Variants in SHCBP1L observed in about 807,000 individuals in gnomAD.
SHCBP1L encodes SHC binding and spindle associated 1 like, also known as testicular spindle-associated protein SHCBP1L.
SHCBP1L carries 67 observed loss-of-function variants against 62.5 expected under a neutral mutation model. That is an observed-to-expected ratio of 1.07 (90% CI 0.88 to 1.31). SHCBP1L has a LOEUF of 1.31. Ranked by LOEUF, SHCBP1L falls within the 40% of genes most tolerant of loss-of-function variation. The pLI is 0.00. For synonymous variants in SHCBP1L, 284 were observed against 289.4 expected, an observed-to-expected ratio of 0.98 and a Z score of 0.19; for missense variants, 823 against 809.8, an observed-to-expected ratio of 1.02 and a Z score of -0.20.
chr1:182,927,367 A>C (rs761858571), intron 6 of SHCBP1L, among the ~76,000 whole-genome samples: 2 of 151,880 alleles, frequency 1.3e-5, no homozygotes, highest in Non-Finnish European at 2.9e-5. Flanking sequence ...AGATGAGGAA[A>C]TTGTTAAAGC....
At chr1:182,923,738 C>T (rs1290537336) in intron 6 of SHCBP1L, among the ~76,000 whole-genome samples, 1 of 152,142 alleles carries the variant, frequency 6.6e-6, no homozygotes, top group African/African-American at 2.4e-5. Context: ...GAATATACCT[C>T]AAGATAACAA....
At position 182,903,075 on chromosome 1, in the gene SHCBP1L, G is replaced by T. The variant is rs1416980905; in HGVS notation, c.1674C>A (p.Asn558Lys). ...CTCCACCTAAGGTGCTTTTTGAACT[G>T]TTACTGGTTCTGAGGTTATTACAGT... ...IHHCNNLRTS[N>K]SSKSTLGGVN... Residue 558 changes from asparagine to lysine, a missense_variant, in exon 9 of 10, where the codon AAC (asparagine) becomes AAA (lysine). Coordinates refer to ENST00000367547, the MANE Select transcript of SHCBP1L (RefSeq NM_030933.4). 1.3e-6 allele frequency: 2 copies of T among 1,599,240 alleles called. No individual in the cohort carries two copies. The highest frequency in any genetic ancestry group is 1.7e-5 in the Admixed American group (1 of 58,150).
At chr1:182,931,273 T>C (rs1269686169) in intron 5 of SHCBP1L, among the ~76,000 whole-genome samples, 1 of 152,056 alleles carries the variant, frequency 6.6e-6, no homozygotes, top group African/African-American at 2.4e-5. Flanking sequence ...ATATACCAGT[T>C]AATTAGCTGC....
chr1:182,906,014 A>C (rs1264901423), intron 6 of SHCBP1L, among the ~76,000 whole-genome samples: 1 of 152,124 alleles, frequency 6.6e-6, no homozygotes, highest in Non-Finnish European at 1.5e-5. Flanking sequence ...GGCTCACTGC[A>C]ACCCCTGCCT....
In SHCBP1L at chr1:182,933,566, T is replaced by C. The variant is rs975517868; in HGVS notation, c.1077-3814A>G. ...ATCATGAAAGGGTGTTAATTTGTCA[T>C]ATGATTTTTCTGTGTCTATTGAGAT... On this transcript the variant is annotated intron_variant, in intron 5 of 9. Transcript: ENST00000367547. 8.5e-5 allele frequency among the ~76,000 whole-genome samples: 13 copies of C among 152,246 alleles called. No individual in the cohort carries two copies. In the East Asian group the frequency reaches 1.4e-3, roughly 16 times the overall value.
Position 182,940,482 on chromosome 1 carries a change from T to G in SHCBP1L, c.617A>C (p.Glu206Ala). 6.2e-7 allele frequency: 1 copy of G among 1,613,936 alleles called. No individual in the cohort carries two copies. The highest frequency in any genetic ancestry group is 1.3e-5 in the African/African-American group (1 of 75,018). ...SRFKVTVSVA[E>A]PFSSNIANIP... ...ATTTGCAATGTTGGAAGAAAAGGGC[T>G]CAGCAACAGAAACAGTAACTTTGAA... is the stretch of plus-strand genomic sequence containing the variant. Residue 206 changes from glutamate (E) to alanine (A), a missense_variant, in exon 3 of 10, where the codon GAG becomes GCG. Physicochemically the swap from Glu to Ala is moderately radical, Grantham distance 107. Coordinates refer to ENST00000367547, the MANE Select transcript of SHCBP1L (RefSeq NM_030933.4).
intron 6 of SHCBP1L, among the ~76,000 whole-genome samples, chr1:182,928,224 G>T (rs185036631): frequency 6.6e-6 from 1 of 151,886 alleles, no homozygotes; most frequent in Admixed American, 6.6e-5. Context: ...CCTTCTTTCG[G>T]TTCCTCATAT....
At chr1:182,926,265 G>A (rs1033927702) in intron 6 of SHCBP1L, among the ~76,000 whole-genome samples, 1 of 152,156 alleles carries the variant, frequency 6.6e-6, no homozygotes, top group Admixed American at 6.5e-5. Flanking sequence ...TCTCTGAGGA[G>A]GCAGATGGCA....
intron 8 of SHCBP1L, 37 bp from the exon 9 acceptor site, chr1:182,903,198 A>G (rs897760004): frequency 1.4e-6 from 2 of 1,463,276 alleles, no homozygotes; most frequent in Non-Finnish European, 1.8e-6. Context: ...TCTACAAAAT[A>G]TATACACAAA....
chr1:182,924,202 A>G (rs1650603460), intron 6 of SHCBP1L, among the ~76,000 whole-genome samples: 1 of 152,212 alleles, frequency 6.6e-6, no homozygotes, highest in Admixed American at 6.5e-5. Flanking sequence ...AAGCTCTACA[A>G]CAAGAATTGC....
intron 6 of SHCBP1L, among the ~76,000 whole-genome samples, chr1:182,922,519 A>G (rs1332902789): frequency 6.6e-6 from 1 of 151,352 alleles, no homozygotes; most frequent in African/African-American, 2.4e-5. Context: ...ATGCCACTGC[A>G]CTCCAGCCTG....
intron 6 of SHCBP1L, 109 bp downstream of exon 6, chr1:182,929,536 TGA>T: frequency 1.7e-6 from 1 of 575,948 alleles, no homozygotes; most frequent in Non-Finnish European, 2.9e-6. Flanking sequence ...TGGAGGTAGT[TGA>T]GAAAATAAGG....
At chr1:182,949,129 G>T (rs1015781759) in intron 2 of SHCBP1L, among the ~76,000 whole-genome samples, 3 of 152,114 alleles carry the variant, frequency 2.0e-5, no homozygotes, top group African/African-American at 7.2e-5. Flanking sequence ...GAACTTTAGA[G>T]ATCTTGAAAA....
At chr1:182,951,527 G>T (rs878934528) in intron 1 of SHCBP1L, 60 bp from the exon 2 acceptor site, 10 of 1,126,552 alleles carry the variant, frequency 8.9e-6, no homozygotes, top group South Asian at 2.5e-5. Flanking sequence ...TTTAAACTAA[G>T]TGGTTTTTTT....
In SHCBP1L at chr1:182,930,693, G is replaced by A. The variant is rs1429202074; in HGVS notation, c.1077-941C>T. Among the ~76,000 whole-genome samples, 240 of 76,508 alleles carry A rather than the reference G, an allele frequency of 3.1e-3. 8 individuals are homozygous for A. Among genetic ancestry groups the A allele is most frequent in the African/African-American group, 0.019 (215 of 11,608 alleles). The allele number at this position is 76,508 out of a possible 152,430, so 50.2% of individuals were successfully genotyped here. A position where few individuals can be genotyped will look rare whatever the true frequency, so the allele number is the denominator to read the frequency against. On this transcript the variant is annotated intron_variant, in intron 5 of 9. Transcript: ENST00000367547. ...TGTGTGTGTGTGTGTGTGTGTGTGT[G>A]TGTGTGTGTGTATATATATATATAT...
chr1:182,906,709 G>A (rs1036176147), intron 6 of SHCBP1L, among the ~76,000 whole-genome samples: 10 of 152,116 alleles, frequency 6.6e-5, no homozygotes, highest in Admixed American at 2.6e-4. Context: ...ATGAGCCACC[G>A]TGCCCGGCCC....
chr1:182,939,224 A>G lies in SHCBP1L; in HGVS notation c.1028T>C (p.Ile343Thr). 6.2e-7 allele frequency: 1 copy of G among 1,613,918 alleles called. No homozygotes were observed. The highest frequency in any genetic ancestry group is 1.7e-4 in the Middle Eastern group (1 of 6,058). The change falls in exon 5 of 10, where the codon ATA (isoleucine) becomes ACA (threonine). Residue 343 changes from isoleucine (I) to threonine (T), a missense_variant. Ile to Thr is a moderately conservative substitution (Grantham distance 89, BLOSUM62 -1). Coordinates refer to ENST00000367547, the MANE Select transcript of SHCBP1L (RefSeq NM_030933.4). ...AVECWKKYYE[I>T]VMLCGLLKMW... ...TTTCAGTAATCCACAGAGCATGACT[A>G]TCTCATAGTATTTTTTCCAGCATTC...
chr1:182,952,231 TATATACACACACAC>T (rs1651795049), intron 1 of SHCBP1L, among the ~76,000 whole-genome samples: 2 of 59,142 alleles, frequency 3.4e-5, no homozygotes, highest in Non-Finnish European at 5.3e-5. Context: ...TATATATATA[TATATACACACACAC>T]ACACACACAC....
At chr1:182,923,637 C>T (rs1051256619) in intron 6 of SHCBP1L, among the ~76,000 whole-genome samples, 2 of 152,110 alleles carry the variant, frequency 1.3e-5, no homozygotes, top group African/African-American at 4.8e-5. Flanking sequence ...AAAACAAAAA[C>T]CACATGATCA....
Sources: allele counts gnomAD v4.1 joint callset (sites outside exome capture counted in the v4.1 genomes callset), GRCh38; gene constraint gnomAD v4.1.1; transcripts MANE v1.5; gene names NCBI Gene and HGNC (gene_info 2026-07-23, HGNC 2026-07-21).